Variants in PRR11 observed in about 807,000 individuals in gnomAD.
PRR11 encodes proline rich 11, also known as proline-rich protein 11.
PRR11 carries 30 observed loss-of-function variants against 45.6 expected under a neutral mutation model. That is an observed-to-expected ratio of 0.66 (90% confidence interval 0.49 to 0.89). The LOEUF is 0.89. PRR11 is among the 40% of genes least tolerant of loss of function. The probability of loss-of-function intolerance (pLI) is 0.00; values close to 1 mark genes in which losing one functional copy is unlikely to be tolerated. For synonymous variants in PRR11, 128 were observed against 153.5 expected (o/e 0.83, Z 1.23); for missense variants, 373 against 424.8 (o/e 0.88, Z 1.07).
At chr17:59,190,853 G>C (rs1385589282) in intron 4 of PRR11, among the ~76,000 whole-genome samples, 1 of 152,254 alleles carries the variant, frequency 6.6e-6, no homozygotes, top group South Asian at 2.1e-4. Flanking sequence ...CCTTGAGTGA[G>C]TATCCTGACC....
Position 59,185,114 on chromosome 17 carries a change from C to A in PRR11, c.189C>A (p.Asn63Lys). The change falls in exon 3 of 10, where the codon AAC becomes AAA. Residue 63 changes from asparagine (N) to lysine (K), a missense_variant. By Grantham distance (94) the Asn-to-Lys change is moderately conservative. Coordinates refer to ENST00000262293, the MANE Select transcript of PRR11 (RefSeq NM_018304.4). Reference protein sequence around the residue: ...QSRSWLTSSWNFNFPNIRDAI... With the variant: ...QSRSWLTSSWKFNFPNIRDAI... ...GAAGCTGGCTAACATCATCCTGGAA[C>A]TTCAATTTTCCTAACATCAGAGATG... is the stretch of plus-strand genomic sequence containing the variant. 1.2e-6 allele frequency: 2 copies of A among 1,613,384 alleles called. No homozygotes were observed. The highest frequency in any genetic ancestry group is 1.7e-6 in the Non-Finnish European group (2 of 1,179,560).
At chr17:59,188,871 C>G (rs2147851492) in intron 4 of PRR11, among the ~76,000 whole-genome samples, 1 of 151,770 alleles carries the variant, frequency 6.6e-6, no homozygotes, top group African/African-American at 2.4e-5. Context: ...ACCTGGGAGA[C>G]ACAGGTTGCA....
intron 1 of PRR11, among the ~76,000 whole-genome samples, chr17:59,169,509 T>G (rs769943887): frequency 2.6e-5 from 4 of 152,078 alleles, no homozygotes; most frequent in Non-Finnish European, 5.9e-5. Context: ...CAAAACAAAC[T>G]GAGAGAGTAA....
At chr17:59,179,729 C>T (rs1307988152) in intron 2 of PRR11, 14 of 1,418,938 alleles carry the variant, frequency 9.9e-6, no homozygotes, top group Non-Finnish European at 1.4e-5. Context: ...CTTGAGCCCA[C>T]ACAGCGTCTC....
intron 1 of PRR11, among the ~76,000 whole-genome samples, chr17:59,159,369 A>G (rs1599688098): frequency 1.3e-5 from 2 of 152,282 alleles, no homozygotes; most frequent in African/African-American, 4.8e-5. Flanking sequence ...GTATTTCTCT[A>G]GTGTCTTTCC....
At chr17:59,190,607 G>A (rs912788339) in intron 4 of PRR11, among the ~76,000 whole-genome samples, 12 of 152,198 alleles carry the variant, frequency 7.9e-5, no homozygotes, top group Non-Finnish European at 4.4e-5. Flanking sequence ...AGGGCAATCC[G>A]GCTTAAGCCC....
rs550590316 is a variant in PRR11, at chr17:59,178,813, C to T, written c.129-6241C>T. ...GCCCTCCCAGCAGACACAGAGGGAC[C>T]ACTGCAGAGTCATAAAGGAATTCCC... On this transcript the variant is annotated intron_variant, in intron 2 of 9. Transcript: ENST00000262293. 4.6e-5 allele frequency among the ~76,000 whole-genome samples: 7 copies of T among 152,216 alleles called. 1 individual carries two copies. In the South Asian group the frequency reaches 1.5e-3, roughly 32 times the overall value.
chr17:59,195,206 A>G (rs2046859793), intron 6 of PRR11, 125 bp from the exon 7 acceptor site: 4 of 703,774 alleles, frequency 5.7e-6, no homozygotes, highest in Non-Finnish European at 9.7e-6. Context: ...TGGAATAAAA[A>G]TTGGGTAGCA....
At chr17:59,182,486 G>C (rs144771602) in intron 2 of PRR11, among the ~76,000 whole-genome samples, 8 of 146,418 alleles carry the variant, frequency 5.5e-5, no homozygotes, top group African/African-American at 2.1e-4. Context: ...CTTCCTCCCA[G>C]GCTCAAGTGA....
Position 59,197,754 on chromosome 17 carries a change from C to G in PRR11, c.979C>G (p.Pro327Ala), listed in dbSNP as rs778195558. 1 of 1,613,920 alleles carries G rather than the reference C, an allele frequency of 6.2e-7. No homozygotes were observed. Among genetic ancestry groups the G allele is most frequent in the Non-Finnish European group, 8.5e-7 (1 of 1,180,006 alleles). The part of the protein sequence containing the change: ...ENMETGTGLT[P>A]VMTQALRRKF... ...TATGGAAACAGGAACAGGACTGACT[C>G]CAGTGATGACGCAGGCCTTAAGGAG... The change falls in exon 9 of 10, where the codon CCA becomes GCA. Residue 327 changes from proline (P) to alanine (A), a missense_variant. Physicochemically the swap from Pro to Ala is conservative, Grantham distance 27. Transcript: ENST00000262293.
chr17:59,173,867 A>T (rs1238691319), intron 2 of PRR11, among the ~76,000 whole-genome samples: 1 of 152,152 alleles, frequency 6.6e-6, no homozygotes. Flanking sequence ...GTCATTAGCA[A>T]TGGAATAAAG....
At position 59,179,878 on chromosome 17, in the gene PRR11, G is replaced by A. The variant is rs542130306; in HGVS notation, c.129-5176G>A. The A allele has an allele frequency of 3.7e-6, 5 of 1,340,816 alleles. No individual in the cohort carries two copies. In the East Asian group the frequency reaches 7.2e-5, roughly 19 times the overall value. 83.1% of individuals were successfully genotyped at this position (1,340,816 alleles called of 1,614,324 possible). A position where few individuals can be genotyped will look rare whatever the true frequency, so the allele number is the denominator to read the frequency against. On this transcript the variant is annotated intron_variant, in intron 2 of 9. Transcript: ENST00000262293. ...ACAGGGGGCTGGGATCTACCCCAGG[G>A]GCTGAGTAAAGAAACCAGGCCACTG...
intron 1 of PRR11, among the ~76,000 whole-genome samples, chr17:59,165,549 T>C (rs956292301): frequency 1.3e-5 from 2 of 151,852 alleles, no homozygotes; most frequent in Non-Finnish European, 2.9e-5. Context: ...TCCCAGCACT[T>C]TGGGAGGCCA....
At position 59,206,685 on chromosome 17, in the gene PRR11, A is replaced by G. The variant is rs1275035624; in HGVS notation, c.*5054A>G. On this transcript the variant is annotated 3_prime_UTR_variant, in exon 10 of 10. Transcript: ENST00000262293. ...TTATGTTTTAAAATAAAGATTAATA[A>G]AAGTTTTGGTTTTTCTCTTTCTAAC... Among the ~76,000 whole-genome samples the G allele has an allele frequency of 1.3e-5, 2 of 152,116 alleles. No individual in the cohort carries two copies. Among genetic ancestry groups the G allele is most frequent in the Non-Finnish European group, 2.9e-5 (2 of 68,024 alleles).
At position 59,201,789 on chromosome 17, in the gene PRR11, G is replaced by A; in HGVS notation, c.*158G>A. ...AGTTTGAGACCAGCCTGGCCAACATGGTGAAACTCCTTCCCCACTAAAAAT... is the reference window on the plus strand; with the variant it reads ...AGTTTGAGACCAGCCTGGCCAACATAGTGAAACTCCTTCCCCACTAAAAAT... On this transcript the variant is annotated 3_prime_UTR_variant, in exon 10 of 10. Coordinates refer to ENST00000262293, the MANE Select transcript of PRR11 (RefSeq NM_018304.4). The A allele has an allele frequency of 3.0e-6, 2 of 665,410 alleles. No individual in the cohort carries two copies. The highest frequency in any genetic ancestry group is 5.2e-6 in the Non-Finnish European group (2 of 383,856). The allele number at this position is 665,410 out of a possible 1,614,324, so 41.2% of individuals were successfully genotyped here.
At chr17:59,157,108 C>A (rs1265194620) in intron 1 of PRR11, among the ~76,000 whole-genome samples, 1 of 152,174 alleles carries the variant, frequency 6.6e-6, no homozygotes, top group Non-Finnish European at 1.5e-5. Context: ...CCTCCCTAAC[C>A]AAGAGAATTT....
At chr17:59,169,049 T>TCA (rs1173477544) in intron 1 of PRR11, among the ~76,000 whole-genome samples, 1 of 151,904 alleles carries the variant, frequency 6.6e-6, no homozygotes, top group Non-Finnish European at 1.5e-5. Flanking sequence ...ATTCCACCTG[T>TCA]CACAGTGGAT....
At chr17:59,164,563 T>G (rs1417903856) in intron 1 of PRR11, among the ~76,000 whole-genome samples, 1 of 151,988 alleles carries the variant, frequency 6.6e-6, no homozygotes, top group Non-Finnish European at 1.5e-5. Flanking sequence ...AAAAGGAAGA[T>G]GCTAGGAAAT....
rs755113574 is a variant in PRR11 at position 59,197,617 on chromosome 17, A to C, written c.917+14A>C. ...CGATGTAGAGAGGTAATACACTCTC[A>C]TATCTTTATGCCTTCTACGTCCATT... On this transcript the variant is annotated intron_variant, in intron 8 of 9. Transcript: ENST00000262293. 7 of 1,611,980 alleles carry C rather than the reference A, an allele frequency of 4.3e-6. No individual in the cohort carries two copies. The highest frequency in any genetic ancestry group is 3.3e-5 in the Admixed American group (2 of 59,996).
Sources: allele counts gnomAD v4.1 joint callset (sites outside exome capture counted in the v4.1 genomes callset), GRCh38; gene constraint gnomAD v4.1.1; transcripts MANE v1.5; gene names NCBI Gene and HGNC (gene_info 2026-07-23, HGNC 2026-07-21).